The following DENND2B variants were observed in gnomAD, a reference collection of about 807,000 sequenced individuals.
The protein encoded by DENND2B is DENN domain containing 2B.
Under a neutral mutation model 116.0 loss-of-function variants are expected in DENND2B, and 32 were observed. That is an observed-to-expected ratio of 0.28 (90% CI 0.21 to 0.37). The LOEUF (loss-of-function observed/expected upper bound fraction) is 0.37. Ranked by LOEUF, DENND2B falls within the 10% of genes least tolerant of loss-of-function variation. The pLI, the probability that DENND2B is intolerant of heterozygous loss-of-function variation, is 1.00. For missense variants in DENND2B, 1,276 were observed against 1,477.7 expected (o/e 0.86, Z 2.24); for synonymous variants, 588 against 583.9 (o/e 1.01, Z -0.10).
At chr11:8,747,267 AG>A (rs371440409) in intron 2 of DENND2B, among the ~76,000 whole-genome samples, 39 of 152,262 alleles carry the variant, frequency 2.6e-4, no homozygotes, top group African/African-American at 9.1e-4. Flanking sequence ...CACAAGCAAA[AG>A]TTCTCAAACT....
At chr11:8,765,747 C>T (rs1222999374) in intron 1 of DENND2B, among the ~76,000 whole-genome samples, 2 of 151,810 alleles carry the variant, frequency 1.3e-5, no homozygotes, top group African/African-American at 4.8e-5. Flanking sequence ...ATTGTTTAAA[C>T]CTACTTAAGG....
intron 2 of DENND2B, among the ~76,000 whole-genome samples, chr11:8,879,209 G>A (rs1271310968): frequency 6.6e-6 from 1 of 152,172 alleles, no homozygotes; most frequent in Non-Finnish European, 1.5e-5. Flanking sequence ...GTCACTTCCA[G>A]GCCAAAGCAT....
intron 1 of DENND2B, chr11:8,895,563 G>A (rs935257300): frequency 5.9e-5 from 9 of 152,148 alleles, no homozygotes; most frequent in Non-Finnish European, 1.3e-4. Flanking sequence ...ACAGAAGACA[G>A]ATTGGTGGCT....
chr11:8,828,290 C>G (rs982337200), intron 4 of DENND2B, among the ~76,000 whole-genome samples: 1 of 152,166 alleles, frequency 6.6e-6, no homozygotes, highest in Non-Finnish European at 1.5e-5. Context: ...AGTGCCTGGA[C>G]ACAGAGCAGT....
chr11:8,906,509 CAA>C (rs34773959), intron 1 of DENND2B, among the ~76,000 whole-genome samples: 25,061 of 123,974 alleles, frequency 0.2, 2,091 homozygotes, highest in Middle Eastern at 0.31. Flanking sequence ...AAGAAGTCTT[CAA>C]AAAAAAAAAA....
At position 8,736,479 on chromosome 11, in the gene DENND2B, A is replaced by C. The variant is rs11042056; in HGVS notation, c.81-5270T>G. ...TATTTGTTTAGAGTGAGCAGGTAAC[A>C]TATCAACTCTGTGAGACGGTTTGGG... On this transcript the variant is annotated intron_variant, in intron 2 of 19. Coordinates refer to ENST00000313726, the MANE Select transcript of DENND2B (RefSeq NM_213618.2). Among the ~76,000 whole-genome samples the C allele has an allele frequency of 6.9e-3, 1,054 of 152,334 alleles. 10 individuals are homozygous for C. The highest frequency in any genetic ancestry group is 0.013 in the Non-Finnish European group (870 of 68,034).
At chr11:8,820,175 T>C (rs1270376654) in intron 4 of DENND2B, among the ~76,000 whole-genome samples, 2 of 152,158 alleles carry the variant, frequency 1.3e-5, no homozygotes, top group African/African-American at 4.8e-5. Context: ...TTTAGTAAAA[T>C]AGGGAAATGT....
At chr11:8,733,194 A>G (rs1005666804) in intron 2 of DENND2B, among the ~76,000 whole-genome samples, 2 of 152,186 alleles carry the variant, frequency 1.3e-5, no homozygotes, top group Non-Finnish European at 2.9e-5. Context: ...TGGGGTAGGG[A>G]GCGGCAGGGC....
chr11:8,796,101 C>T (rs1398073841), intron 1 of DENND2B, among the ~76,000 whole-genome samples: 1 of 152,236 alleles, frequency 6.6e-6, no homozygotes, highest in Admixed American at 6.5e-5. Context: ...CCTTCACAAA[C>T]TATTCCATCT....
At chr11:8,805,163 C>A (rs973412812) in intron 1 of DENND2B, among the ~76,000 whole-genome samples, 1 of 152,174 alleles carries the variant, frequency 6.6e-6, no homozygotes, top group African/African-American at 2.4e-5. Flanking sequence ...GCCTCTAAGA[C>A]CCCTGAGCTA....
chr11:8,806,305 C>T (rs563349228), intron 1 of DENND2B, among the ~76,000 whole-genome samples: 2 of 152,160 alleles, frequency 1.3e-5, no homozygotes, highest in South Asian at 2.1e-4. Flanking sequence ...ACAGGTCACA[C>T]AGAGGAAGAG....
In DENND2B at chr11:8,809,100, T is replaced by A. The variant is rs949249783; in HGVS notation, c.-26+1417A>T. ...ACATCCCTCCAGCAAAATGTAGGTT[T>A]CAACTAAGCAAAGGATCCCTGGAGT... On this transcript the variant is annotated intron_variant, in intron 1 of 19. Coordinates refer to ENST00000313726, the MANE Select transcript of DENND2B (RefSeq NM_213618.2). 1.3e-5 allele frequency: 2 copies of A among 152,324 alleles called. 1 individual carries two copies. 9.4% of individuals were successfully genotyped at this position (152,324 alleles called of 1,614,324 possible).
At chr11:8,894,473 G>A (rs2064074784) in intron 1 of DENND2B, among the ~76,000 whole-genome samples, 1 of 151,920 alleles carries the variant, frequency 6.6e-6, no homozygotes. Flanking sequence ...CCTACAAAAT[G>A]GGAGAAAATT....
At chr11:8,866,787 A>C (rs892227112) in intron 2 of DENND2B, among the ~76,000 whole-genome samples, 2 of 152,172 alleles carry the variant, frequency 1.3e-5, no homozygotes, top group Non-Finnish European at 2.9e-5. Context: ...CAAATCCCCT[A>C]CACTAAGAGG....
intron 2 of DENND2B, among the ~76,000 whole-genome samples, chr11:8,745,803 C>T (rs1262836675): frequency 6.6e-6 from 1 of 152,166 alleles, no homozygotes; most frequent in Non-Finnish European, 1.5e-5. Context: ...TGCAGGTGTT[C>T]CCTAGCTTTA....
At position 8,848,809 on chromosome 11, in the gene DENND2B, G is replaced by A. The variant is rs138574870; in HGVS notation, c.-156+8534C>T. ...TTTTGTGCATATTTTGAAATAAGAA[G>A]TTTTTTAAATTAATATTTATTGGGT... On this transcript the variant is annotated intron_variant, in intron 3 of 6. Transcript: ENST00000524757. Among the ~76,000 whole-genome samples the A allele has an allele frequency of 1.4e-4, 22 of 151,998 alleles. 1 individual carries two copies. In the East Asian group the frequency reaches 3.9e-3, roughly 27 times the overall value.
chr11:8,724,637 A>G (rs2046787626), intron 4 of DENND2B, among the ~76,000 whole-genome samples: 1 of 152,220 alleles, frequency 6.6e-6, no homozygotes, highest in African/African-American at 2.4e-5. Context: ...AAGTTTGCCA[A>G]TACCATGTCT....
At chr11:8,781,980 A>G (rs760444021) in intron 1 of DENND2B, among the ~76,000 whole-genome samples, 3 of 152,208 alleles carry the variant, frequency 2.0e-5, no homozygotes, top group Non-Finnish European at 4.4e-5. Context: ...ATTGGTGGTA[A>G]ACACATAACA....
chr11:8,696,097 C>T (rs1418280473), intron 18 of DENND2B: 7 of 312,156 alleles, frequency 2.2e-5, no homozygotes, highest in East Asian at 6.7e-5. Context: ...TCAGAACCCC[C>T]GAAATTGCTC....
Sources: allele counts gnomAD v4.1 joint callset (sites outside exome capture counted in the v4.1 genomes callset), GRCh38; gene constraint gnomAD v4.1.1; transcripts MANE v1.5; gene names NCBI Gene and HGNC (gene_info 2026-07-23, HGNC 2026-07-21).